NELL1: variants seen among roughly 807,000 people sequenced by gnomAD.
The protein encoded by NELL1 is neural EGFL like 1, also known as protein kinase C-binding protein NELL1.
A neutral mutation model predicts 107.4 loss-of-function variants in NELL1; 76 were observed. That is an observed-to-expected ratio of 0.71 (90% CI 0.59 to 0.86). NELL1 has a LOEUF of 0.86. Ranked by LOEUF, NELL1 falls within the 40% of genes least tolerant of loss-of-function variation. NELL1 has a pLI of 0.00. For synonymous variants in NELL1, 353 were observed against 341.2 expected (o/e 1.03, Z -0.38); for missense variants, 1,024 against 1,005.5 (o/e 1.02, Z -0.25).
chr11:20,924,144 T>G (rs534976305), intron 7 of NELL1, among the ~76,000 whole-genome samples: 4 of 152,364 alleles, frequency 2.6e-5, no homozygotes, highest in Non-Finnish European at 5.9e-5. Flanking sequence ...AAATAGCTTT[T>G]GAAAATGAAT....
chr11:21,192,732 G>A (rs1857073441), intron 13 of NELL1, among the ~76,000 whole-genome samples: 1 of 151,682 alleles, frequency 6.6e-6, no homozygotes, highest in Non-Finnish European at 1.5e-5. Context: ...CTATACCAGG[G>A]CATAGAAGAA....
intron 15 of NELL1, among the ~76,000 whole-genome samples, chr11:21,490,700 A>G (rs1590973714): frequency 1.3e-5 from 2 of 152,132 alleles, no homozygotes; most frequent in East Asian, 3.9e-4. Flanking sequence ...ATACTGAGGA[A>G]AGAACACGGT....
chr11:21,369,362 ATTTT>A (rs34302489), intron 14 of NELL1, among the ~76,000 whole-genome samples: 3 of 110,416 alleles, frequency 2.7e-5, no homozygotes, highest in African/African-American at 6.5e-5. Context: ...GGTAGGTACT[ATTTT>A]TTTTTTTTTT....
At chr11:21,567,289 C>G (rs1342214458) in intron 17 of NELL1, among the ~76,000 whole-genome samples, 1 of 151,732 alleles carries the variant, frequency 6.6e-6, no homozygotes, top group Non-Finnish European at 1.5e-5. Context: ...GTGACACAAG[C>G]AAAATATATT....
chr11:21,037,958 A>C (rs1298336713), intron 12 of NELL1, among the ~76,000 whole-genome samples: 2 of 152,208 alleles, frequency 1.3e-5, no homozygotes. Context: ...CTTGCTGGGC[A>C]TGAAGAGAGA....
At chr11:21,225,003 C>T (rs1311292382) in intron 13 of NELL1, among the ~76,000 whole-genome samples, 1 of 152,134 alleles carries the variant, frequency 6.6e-6, no homozygotes, top group Non-Finnish European at 1.5e-5. Flanking sequence ...TGGGGTAAGC[C>T]TCTTTGCTGT....
intron 12 of NELL1, among the ~76,000 whole-genome samples, chr11:20,965,641 G>T (rs1199847805): frequency 6.6e-6 from 1 of 152,174 alleles, no homozygotes; most frequent in African/African-American, 2.4e-5. Flanking sequence ...GACCTGAATT[G>T]GTATGAATTT....
chr11:21,291,251 G>C (rs887399523), intron 14 of NELL1, among the ~76,000 whole-genome samples: 2 of 152,088 alleles, frequency 1.3e-5, no homozygotes, highest in African/African-American at 4.8e-5. Context: ...CATTATTAAC[G>C]ATATAATGAA....
chr11:20,970,774 G>A (rs1851483489), intron 12 of NELL1, among the ~76,000 whole-genome samples: 1 of 142,908 alleles, frequency 7.0e-6, no homozygotes, highest in Non-Finnish European at 1.5e-5. Flanking sequence ...CATTTTGAAT[G>A]TGCTAAGAAG....
chr11:21,440,082 C>G lies in NELL1; in HGVS notation c.1645+69134C>G, dbSNP rs186877792. Among the ~76,000 whole-genome samples, 8 of 152,116 alleles carry G rather than the reference C, an allele frequency of 5.3e-5. No homozygotes were observed. The East Asian group carries it at 1.5e-3, about 29-fold the overall frequency. The stretch of plus-strand genomic sequence containing the variant: ...TACATACAGAAAAACCAATATTTGG[C>G]CAAGGTTAATACAAAGTTAATTCAT... On this transcript the variant is annotated intron_variant, in intron 15 of 19. Coordinates refer to ENST00000357134, the MANE Select transcript of NELL1 (RefSeq NM_006157.5).
chr11:21,370,751 C>A, intron 14 of NELL1, 102 bp from the exon 15 acceptor site: 2 of 813,366 alleles, frequency 2.5e-6, no homozygotes, highest in Non-Finnish European at 2.0e-6. Context: ...GATGTGTATT[C>A]CCTATGCAAC....
At chr11:21,170,300 A>G (rs191677205) in intron 13 of NELL1, among the ~76,000 whole-genome samples, 13 of 151,798 alleles carry the variant, frequency 8.6e-5, no homozygotes, top group Non-Finnish European at 1.6e-4. Context: ...GCTCTCTCTT[A>G]TATTGCTTGT....
At chr11:20,864,096 TGGAAAGAGAGGGAGAGGGAGAC>T (rs1849049070) in intron 4 of NELL1, among the ~76,000 whole-genome samples, 1 of 29,214 alleles carries the variant, frequency 3.4e-5, no homozygotes, top group East Asian at 1.4e-3. Context: ...AGGGAGACCG[TGGAAAGAGAGGGAGAGGGAGAC>T]TGTGGGGAGA....
intron 14 of NELL1, among the ~76,000 whole-genome samples, chr11:21,275,310 T>C (rs1848829690): frequency 6.6e-6 from 1 of 152,070 alleles, no homozygotes; most frequent in African/African-American, 2.4e-5. Context: ...AAGAAATGGA[T>C]AAATTCCTAG....
chr11:20,693,406 A>T lies in NELL1; in HGVS notation c.184+15346A>T, dbSNP rs536713320. Among the ~76,000 whole-genome samples, 378 of 151,776 alleles carry T rather than the reference A, an allele frequency of 2.5e-3. 1 individual carries two copies. Among genetic ancestry groups the T allele is most frequent in the Non-Finnish European group, 4.3e-3 (291 of 67,942 alleles). ...TCGATGGTCTTTACATTTTGGCATGATTTTGCAGCAGCTGGTACCGGTTGT... is the reference window on the plus strand; with the variant it reads ...TCGATGGTCTTTACATTTTGGCATGTTTTTGCAGCAGCTGGTACCGGTTGT... On this transcript the variant is annotated intron_variant, in intron 2 of 19. Transcript: ENST00000357134.
chr11:21,315,398 A>G (rs946066615), intron 14 of NELL1, among the ~76,000 whole-genome samples: 1 of 152,152 alleles, frequency 6.6e-6, no homozygotes, highest in Admixed American at 6.6e-5. Flanking sequence ...AATAGTATAG[A>G]GACAGTGGCC....
chr11:21,541,580 G>T (rs1456784139), intron 16 of NELL1, among the ~76,000 whole-genome samples: 1 of 152,090 alleles, frequency 6.6e-6, no homozygotes, highest in African/African-American at 2.4e-5. Flanking sequence ...AATGCTCTCA[G>T]TGACAAACCT....
intron 9 of NELL1, among the ~76,000 whole-genome samples, chr11:20,937,116 G>A (rs1436757728): frequency 6.6e-6 from 1 of 152,202 alleles, no homozygotes; most frequent in Non-Finnish European, 1.5e-5. Context: ...GTTAAGTCAA[G>A]AAATGAGTTT....
At chr11:20,675,381 C>T (rs547079169) in intron 1 of NELL1, among the ~76,000 whole-genome samples, 6 of 152,256 alleles carry the variant, frequency 3.9e-5, no homozygotes, top group East Asian at 3.9e-4. Flanking sequence ...GCATGTCATC[C>T]GTCATCTCAT....
Sources: allele counts gnomAD v4.1 joint callset (sites outside exome capture counted in the v4.1 genomes callset), GRCh38; gene constraint gnomAD v4.1.1; transcripts MANE v1.5; gene names NCBI Gene and HGNC (gene_info 2026-07-23, HGNC 2026-07-21).